PPARGC1B: variants seen among roughly 807,000 people sequenced by gnomAD.
PPARGC1B encodes peroxisome proliferator-activated receptor gamma coactivator 1-beta.
PPARGC1B carries 34 observed loss-of-function variants against 101.6 expected under a neutral mutation model. The observed-to-expected ratio is 0.33, with a 90% confidence interval of 0.25 to 0.45. The LOEUF (loss-of-function observed/expected upper bound fraction) is 0.45. PPARGC1B is among the 20% of genes least tolerant of loss of function. The pLI, the probability that PPARGC1B is intolerant of heterozygous loss-of-function variation, is 1.00. For synonymous variants in PPARGC1B, 548 were observed against 539.3 expected (o/e 1.02, Z -0.22); for missense variants, 1,234 against 1,317.6 (o/e 0.94, Z 0.98).
chr5:149,799,683 GC>G (rs1757359000), intron 1 of PPARGC1B, among the ~76,000 whole-genome samples: 1 of 109,906 alleles, frequency 9.1e-6, no homozygotes, highest in Non-Finnish European at 1.8e-5. Flanking sequence ...TTGTTTGTTT[GC>G]TTGTTGTTGT....
At chr5:149,815,712 C>T (rs1466666510) in intron 1 of PPARGC1B, among the ~76,000 whole-genome samples, 1 of 152,138 alleles carries the variant, frequency 6.6e-6, no homozygotes, top group African/African-American at 2.4e-5. Context: ...ATACCTAGCT[C>T]ATTTTTGTAT....
At chr5:149,793,489 C>G (rs1049661821) in intron 1 of PPARGC1B, among the ~76,000 whole-genome samples, 1 of 152,150 alleles carries the variant, frequency 6.6e-6, no homozygotes, top group East Asian at 1.9e-4. Context: ...GTGCATCACA[C>G]CCCAGTTTCC....
chr5:149,793,804 G>C (rs1019728767), intron 1 of PPARGC1B, among the ~76,000 whole-genome samples: 2 of 152,208 alleles, frequency 1.3e-5, no homozygotes, highest in Non-Finnish European at 2.9e-5. Context: ...CAGAGGGAGA[G>C]ACGCTCAGAC....
intron 1 of PPARGC1B, among the ~76,000 whole-genome samples, chr5:149,802,811 A>G (rs1581070967): frequency 6.6e-6 from 1 of 152,082 alleles, no homozygotes. Flanking sequence ...GTATTTTGTT[A>G]AAATGCAGAT....
intron 1 of PPARGC1B, among the ~76,000 whole-genome samples, chr5:149,754,727 A>G (rs373317416): frequency 2.7e-5 from 4 of 148,194 alleles, no homozygotes; most frequent in African/African-American, 7.5e-5. Context: ...CTTGCTATAT[A>G]TAGTAGGAGC....
intron 1 of PPARGC1B, among the ~76,000 whole-genome samples, chr5:149,748,073 T>C (rs1755151608): frequency 6.6e-6 from 1 of 152,004 alleles, no homozygotes; most frequent in African/African-American, 2.4e-5. Flanking sequence ...TTCAATGATA[T>C]GGTTGTGAAA....
intron 1 of PPARGC1B, among the ~76,000 whole-genome samples, chr5:149,752,028 T>C (rs531196200): frequency 1.3e-5 from 2 of 152,226 alleles, no homozygotes; most frequent in Non-Finnish European, 2.9e-5. Flanking sequence ...CATAAACAGA[T>C]GTAAGGCTAT....
intron 1 of PPARGC1B, among the ~76,000 whole-genome samples, chr5:149,788,819 C>T (rs531306064): frequency 7.2e-5 from 11 of 152,238 alleles, no homozygotes; most frequent in East Asian, 5.8e-4. Context: ...AGCAAACTAT[C>T]GCAAGGACAG....
intron 1 of PPARGC1B, among the ~76,000 whole-genome samples, chr5:149,819,396 T>A (rs1197674343): frequency 6.6e-6 from 1 of 152,270 alleles, no homozygotes; most frequent in Non-Finnish European, 1.5e-5. Context: ...ACAACTTTTT[T>A]ATTTAATGTG....
chr5:149,778,077 A>G (rs919080354), intron 1 of PPARGC1B, among the ~76,000 whole-genome samples: 4 of 106,302 alleles, frequency 3.8e-5, no homozygotes, highest in South Asian at 3.5e-4. Context: ...ACACACACAC[A>G]CACACACACA....
intron 1 of PPARGC1B, among the ~76,000 whole-genome samples, chr5:149,733,617 G>A (rs1055942072): frequency 6.6e-6 from 1 of 152,204 alleles, no homozygotes; most frequent in Non-Finnish European, 1.5e-5. Flanking sequence ...CTAGGCACAT[G>A]GATTACAGAC....
intron 1 of PPARGC1B, among the ~76,000 whole-genome samples, chr5:149,796,179 A>C (rs1199392162): frequency 2.0e-5 from 3 of 152,134 alleles, no homozygotes; most frequent in African/African-American, 7.2e-5. Context: ...GTGACGGAGT[A>C]GGGAGGGTGG....
intron 1 of PPARGC1B, among the ~76,000 whole-genome samples, chr5:149,813,181 G>T (rs67393352): frequency 0.15 from 22,757 of 152,126 alleles, 1,935 homozygotes; most frequent in African/African-American, 0.19. Flanking sequence ...AGTGAGCCCA[G>T]TGCTGTGCGC....
intron 1 of PPARGC1B, among the ~76,000 whole-genome samples, chr5:149,789,672 C>T (rs919397686): frequency 6.6e-6 from 1 of 152,214 alleles, no homozygotes; most frequent in Admixed American, 6.5e-5. Context: ...TCAAGTCACA[C>T]GCCCAAGATC....
intron 1 of PPARGC1B, among the ~76,000 whole-genome samples, chr5:149,751,324 T>C (rs935925580): frequency 3.3e-5 from 5 of 152,256 alleles, no homozygotes; most frequent in Non-Finnish European, 7.3e-5. Flanking sequence ...TCTATGATTA[T>C]ATAAATTGTA....
rs567277535 is a variant in PPARGC1B at position 149,797,388 on chromosome 5, C to T, written c.79-23045C>T. 3.9e-5 allele frequency among the ~76,000 whole-genome samples: 6 copies of T among 152,236 alleles called. No individual in the cohort carries two copies. The East Asian group carries it at 7.7e-4, about 20-fold the overall frequency. ...GGACAAAAAAAAGTATTAGTGGTAA[C>T]GGTGACTTTGTTGTCAATGGAAATC... On this transcript the variant is annotated intron_variant, in intron 1 of 11. Transcript: ENST00000309241.
chr5:149,841,506 A>C (rs1759333879), intron 9 of PPARGC1B, among the ~76,000 whole-genome samples: 1 of 152,168 alleles, frequency 6.6e-6, no homozygotes, highest in Admixed American at 6.5e-5. Flanking sequence ...ATCACTGGCT[A>C]TAACCTGTTT....
intron 1 of PPARGC1B, among the ~76,000 whole-genome samples, chr5:149,797,552 CTT>C (rs879757678): frequency 6.6e-6 from 1 of 152,100 alleles, no homozygotes; most frequent in South Asian, 2.1e-4. Context: ...ATAACAGATT[CTT>C]TTTTTATTAT....
At chr5:149,815,800 G>A (rs1441851867) in intron 1 of PPARGC1B, among the ~76,000 whole-genome samples, 1 of 152,172 alleles carries the variant, frequency 6.6e-6, no homozygotes, top group Non-Finnish European at 1.5e-5. Context: ...GCCCGCCTCG[G>A]CCTCCCAAAG....
Sources: allele counts gnomAD v4.1 joint callset (sites outside exome capture counted in the v4.1 genomes callset), GRCh38; gene constraint gnomAD v4.1.1; transcripts MANE v1.5; gene names NCBI Gene and HGNC (gene_info 2026-07-23, HGNC 2026-07-21).